The following TBC1D12 variants were observed in gnomAD, a reference collection of about 807,000 sequenced individuals.
TBC1D12 encodes TBC1 domain family member 12.
A neutral mutation model predicts 86.7 loss-of-function variants in TBC1D12; 56 were observed. The ratio of observed to expected loss-of-function variants is 0.65; its 90% confidence interval spans 0.52 to 0.81. The LOEUF is 0.81. Ranked by LOEUF, TBC1D12 falls within the 30% of genes least tolerant of loss-of-function variation. TBC1D12 has a pLI of 0.00. For synonymous variants in TBC1D12, 421 were observed against 411.7 expected, an observed-to-expected ratio of 1.02 and a Z score of -0.27; for missense variants, 1,023 against 1,038.8, an observed-to-expected ratio of 0.98 and a Z score of 0.21.
At chr10:94,425,587 CG>C (rs1192962650) in intron 1 of TBC1D12, among the ~76,000 whole-genome samples, 5 of 151,396 alleles carry the variant, frequency 3.3e-5, no homozygotes, top group East Asian at 1.9e-4. Context: ...ATAGAACTCA[CG>C]TTTTTTTTTG....
chr10:94,403,579 C>T lies in TBC1D12; in HGVS notation c.966C>T (p.Phe322=). The change falls in exon 1 of 13, where the codon TTC becomes TTT. Residue 322 remains phenylalanine, a synonymous_variant. Coordinates refer to ENST00000225235, the MANE Select transcript of TBC1D12 (RefSeq NM_015188.2). ...ARRSGGFADF[F]TRNLFPKRTK... ...GGAGTGGCGGCTTCGCGGACTTCTTCACCAGGTACAGCGCAGGCTGCATGG... is the reference window on the plus strand; with the variant it reads ...GGAGTGGCGGCTTCGCGGACTTCTTTACCAGGTACAGCGCAGGCTGCATGG... 1 of 1,472,100 alleles carries T rather than the reference C, an allele frequency of 6.8e-7. No homozygotes were observed. The highest frequency in any genetic ancestry group is 8.9e-7 in the Non-Finnish European group (1 of 1,121,884). The allele number at this position is 1,472,100 out of a possible 1,614,324, so 91.2% of individuals were successfully genotyped here.
At chr10:94,501,451 C>A (rs1349019874) in intron 6 of TBC1D12, 4 of 153,968 alleles carry the variant, frequency 2.6e-5, no homozygotes, top group Non-Finnish European at 4.4e-5. Context: ...AAAAAAAAAC[C>A]TTTAAAGAAC....
Position 94,426,737 on chromosome 10 carries a change from C to T in TBC1D12, c.972-15159C>T, listed in dbSNP as rs566865674. 3.0e-3 allele frequency among the ~76,000 whole-genome samples: 454 copies of T among 152,078 alleles called. 2 individuals are homozygous for T. Among genetic ancestry groups the T allele is most frequent in the African/African-American group, 0.01 (418 of 41,500 alleles). On this transcript the variant is annotated intron_variant, in intron 1 of 12. Transcript: ENST00000225235. ...GATTACAGGCGCTCGCCACCACACC[C>T]GGCTAATTTTTTGTATTTTTAGTAG...
chr10:94,482,773 T>A (rs926371608), intron 3 of TBC1D12, among the ~76,000 whole-genome samples: 3 of 152,096 alleles, frequency 2.0e-5, no homozygotes, highest in Non-Finnish European at 2.9e-5. Context: ...TTTTAAAATC[T>A]ATTAACCATC....
At chr10:94,524,405 A>C (rs983590408) in intron 11 of TBC1D12, among the ~76,000 whole-genome samples, 3 of 152,208 alleles carry the variant, frequency 2.0e-5, no homozygotes, top group Non-Finnish European at 4.4e-5. Flanking sequence ...AGTTTCTACC[A>C]CACATACTTT....
In TBC1D12 at chr10:94,423,265, A is replaced by G. The variant is rs2055101425; in HGVS notation, c.972-18631A>G. Among the ~76,000 whole-genome samples the G allele has an allele frequency of 2.6e-5, 4 of 151,654 alleles. No individual in the cohort carries two copies. The South Asian group carries it at 8.3e-4, about 32-fold the overall frequency. On this transcript the variant is annotated intron_variant, in intron 1 of 12. Transcript: ENST00000225235. Reference sequence around the variant, plus strand: ...CTCTTTTCTGCCTCCTGATTGTTCAATGCATGCTTTCTACCTACAAAGGCT... The same window carrying G: ...CTCTTTTCTGCCTCCTGATTGTTCAGTGCATGCTTTCTACCTACAAAGGCT...
intron 11 of TBC1D12, among the ~76,000 whole-genome samples, chr10:94,530,632 G>A (rs1842397174): frequency 6.6e-6 from 1 of 152,024 alleles, no homozygotes; most frequent in Non-Finnish European, 1.5e-5. Context: ...AGAAACTGAG[G>A]CACAGTAAAG....
At position 94,475,832 on chromosome 10, in the gene TBC1D12, T is replaced by A. The variant is rs571890812; in HGVS notation, c.1211+1049T>A. 5.3e-5 allele frequency among the ~76,000 whole-genome samples: 8 copies of A among 152,324 alleles called. 1 individual carries two copies. The South Asian group carries it at 1.7e-3, about 32-fold the overall frequency. On this transcript the variant is annotated intron_variant, in intron 3 of 12. Transcript: ENST00000225235. The stretch of plus-strand genomic sequence containing the variant: ...CTGATTTATTATTAAACAAAACACA[T>A]CCTAAAGCAAGACCACTTGGTTCTT...
chr10:94,466,854 G>A (rs1160577487), intron 2 of TBC1D12, among the ~76,000 whole-genome samples: 1 of 151,820 alleles, frequency 6.6e-6, no homozygotes, highest in Non-Finnish European at 1.5e-5. Context: ...TGTCTAATCC[G>A]GAATATCACA....
chr10:94,514,803 T>C (rs11592354), intron 9 of TBC1D12, among the ~76,000 whole-genome samples: 59,635 of 151,994 alleles, frequency 0.39, 12,389 homozygotes, highest in East Asian at 0.73. Context: ...TGCTGGACCA[T>C]ATAGTAATTC....
intron 3 of TBC1D12, among the ~76,000 whole-genome samples, chr10:94,488,258 C>T (rs954075117): frequency 2.1e-4 from 32 of 151,114 alleles, no homozygotes; most frequent in African/African-American, 6.1e-4. Flanking sequence ...TATGGTGGCA[C>T]GTGCCTGTAA....
intron 3 of TBC1D12, among the ~76,000 whole-genome samples, chr10:94,478,671 CTAAAGG>C (rs1018432692): frequency 7.2e-5 from 11 of 152,182 alleles, no homozygotes; most frequent in Non-Finnish European, 5.9e-5. Context: ...TGATGGTGCT[CTAAAGG>C]TCAAGAGCCA....
At chr10:94,445,785 TAAAAATAC>T (rs1452079048) in intron 2 of TBC1D12, among the ~76,000 whole-genome samples, 1 of 152,026 alleles carries the variant, frequency 6.6e-6, no homozygotes, top group Non-Finnish European at 1.5e-5. Flanking sequence ...TGGTCTCTAC[TAAAAATAC>T]AAAAATTAGC....
intron 11 of TBC1D12, 104 bp downstream of exon 11, chr10:94,522,557 A>G (rs1487364184): frequency 1.9e-6 from 1 of 525,120 alleles, no homozygotes. Context: ...GATTTTACAT[A>G]TAAAGAGCCT....
At chr10:94,459,609 G>C (rs1398707960) in intron 2 of TBC1D12, among the ~76,000 whole-genome samples, 3 of 152,244 alleles carry the variant, frequency 2.0e-5, no homozygotes, top group African/African-American at 4.8e-5. Flanking sequence ...GGGGAGCTCG[G>C]GCATGGCAGA....
chr10:94,446,825 C>A (rs1264600592), intron 2 of TBC1D12, among the ~76,000 whole-genome samples: 1 of 152,090 alleles, frequency 6.6e-6, no homozygotes, highest in African/African-American at 2.4e-5. Flanking sequence ...CTCACATCTA[C>A]AATCCCAGCA....
Position 94,500,316 on chromosome 10 carries a change from A to ATATC in TBC1D12, c.1509_1512dup (p.Thr505TyrfsTer4), listed in dbSNP as rs1193039792. ...AGTCTAGCTGTAGGAAATGAACTAA[A>ATATC]TATCACTCCTGGTTTGTATTCTACG... is the stretch of plus-strand genomic sequence containing the variant. On this transcript the variant is annotated frameshift_variant, in exon 6 of 13. Coordinates refer to ENST00000225235, the MANE Select transcript of TBC1D12 (RefSeq NM_015188.2). LOFTEE classifies it high-confidence loss of function. 1 of 1,613,578 alleles carries ATATC rather than the reference A, an allele frequency of 6.2e-7. No homozygotes were observed. The highest frequency in any genetic ancestry group is 1.1e-5 in the South Asian group (1 of 90,928).
intron 11 of TBC1D12, among the ~76,000 whole-genome samples, chr10:94,524,266 C>G (rs1374067838): frequency 6.6e-6 from 1 of 152,098 alleles, no homozygotes; most frequent in Non-Finnish European, 1.5e-5. Context: ...AGAGGTATTA[C>G]GCATCTCCTC....
chr10:94,527,484 T>C (rs909147228), intron 11 of TBC1D12, among the ~76,000 whole-genome samples: 4 of 143,348 alleles, frequency 2.8e-5, no homozygotes, highest in African/African-American at 1.1e-4. Flanking sequence ...GCAGATATTT[T>C]TTCCCATTCT....
Sources: allele counts gnomAD v4.1 joint callset (sites outside exome capture counted in the v4.1 genomes callset), GRCh38; gene constraint gnomAD v4.1.1; transcripts MANE v1.5; gene names NCBI Gene and HGNC (gene_info 2026-07-23, HGNC 2026-07-21).